MPRIP: variants seen among roughly 807,000 people sequenced by gnomAD.
MPRIP encodes myosin phosphatase Rho interacting protein.
MPRIP carries 59 observed loss-of-function variants against 234.9 expected under a neutral mutation model. That is an observed-to-expected ratio of 0.25 (90% CI 0.20 to 0.31). MPRIP has a LOEUF of 0.31. MPRIP is among the 10% of genes least tolerant of loss of function. MPRIP has a pLI of 1.00. For synonymous variants in MPRIP, 1,144 were observed against 1,263.9 expected (o/e 0.91, Z 2.01); for missense variants, 2,436 against 3,071.0 (o/e 0.79, Z 4.89).
intron 3 of MPRIP, among the ~76,000 whole-genome samples, chr17:17,113,695 A>G (rs778741156): frequency 1.3e-5 from 2 of 152,076 alleles, no homozygotes; most frequent in African/African-American, 2.4e-5. Context: ...CAGCAAATCT[A>G]TAAAGTCCAG....
At chr17:17,049,466 T>G (rs192692624) in intron 1 of MPRIP, among the ~76,000 whole-genome samples, 1 of 152,218 alleles carries the variant, frequency 6.6e-6, no homozygotes, top group African/African-American at 2.4e-5. Context: ...CTTCTGCTCC[T>G]TGTGTCACCT....
Position 17,088,881 on chromosome 17 carries a change from A to G in MPRIP, c.267+10805A>G, listed in dbSNP as rs116916808. Among the ~76,000 whole-genome samples, 176 of 152,300 alleles carry G rather than the reference A, an allele frequency of 1.2e-3. 1 individual carries two copies. The East Asian group carries it at 0.027, about 23-fold the overall frequency. ...TTTGGCCGGGAAGGAAATGTTCTTT[A>G]TGGTGGGGAAAACTCTCTGAACCCG... is the stretch of plus-strand genomic sequence containing the variant. On this transcript the variant is annotated intron_variant, in intron 3 of 23. Coordinates refer to ENST00000651222, the MANE Select transcript of MPRIP (RefSeq NM_001364716.4).
intron 3 of MPRIP, among the ~76,000 whole-genome samples, chr17:17,125,392 G>C (rs946846247): frequency 6.6e-6 from 1 of 152,238 alleles, no homozygotes; most frequent in Non-Finnish European, 1.5e-5. Flanking sequence ...ACAAGGAAAG[G>C]CTTCTTGGAC....
In MPRIP at chr17:17,136,503, C is replaced by A. The variant is rs534926767; in HGVS notation, c.736+53C>A. 3.5e-5 allele frequency: 54 copies of A among 1,521,296 alleles called. No homozygotes were observed. In the East Asian group the frequency reaches 1.3e-3, roughly 36 times the overall value. The allele number at this position is 1,521,296 out of a possible 1,614,324, so 94.2% of individuals were successfully genotyped here. ...GCACGGGAATGGCCCTCCCTCCCAT[C>A]AGAGCTGGCCCTGGGGATTCAGCCA... On this transcript the variant is annotated intron_variant, in intron 6 of 23. Coordinates refer to ENST00000651222, the MANE Select transcript of MPRIP (RefSeq NM_001364716.4).
chr17:17,167,244 C>T lies in MPRIP; in HGVS notation c.5653C>T (p.Arg1885Trp), dbSNP rs549833030. Residue 1885 changes from arginine to tryptophan, a missense_variant, in exon 16 of 24, where the codon CGG becomes TGG. Arg to Trp is a moderately radical substitution (Grantham distance 101, BLOSUM62 -3). Coordinates refer to ENST00000651222, the MANE Select transcript of MPRIP (RefSeq NM_001364716.4). This position sits in a 1 kb window ranked among gnomAD's most constrained non-coding sequence, Gnocchi z 5.9. ...PSCSEQAQAA[R>W]ALREEYEELL... is the part of the protein sequence containing the mutation. ...CTGCTCAGAGCAGGCACAGGCAGCC[C>T]GGGCCCTGAGGGAGGAGTATGAGGA... The T allele has an allele frequency of 2.5e-5, 32 of 1,303,940 alleles. No homozygotes were observed. In the East Asian group the frequency reaches 4.5e-4, roughly 18 times the overall value. The allele number at this position is 1,303,940 out of a possible 1,614,324, so 80.8% of individuals were successfully genotyped here.
intron 7 of MPRIP, among the ~76,000 whole-genome samples, chr17:17,140,421 G>A (rs897306494): frequency 5.3e-5 from 8 of 152,298 alleles, no homozygotes; most frequent in South Asian, 2.1e-4. Flanking sequence ...TAATACTGCA[G>A]CATCCCTTTC....
intron 1 of MPRIP, among the ~76,000 whole-genome samples, chr17:17,074,419 C>T (rs554229050): frequency 6.6e-6 from 1 of 152,328 alleles, no homozygotes; most frequent in South Asian, 2.1e-4. Context: ...CAGTGCCTCA[C>T]ATTTGTTGAG....
At chr17:17,150,031 G>C (rs2045565568) in intron 11 of MPRIP, 113 bp from the exon 12 acceptor site, 1 of 765,710 alleles carries the variant, frequency 1.3e-6, no homozygotes, top group South Asian at 1.5e-5. Flanking sequence ...ACTTGTCAGT[G>C]TGTATACTAT....
chr17:17,056,197 T>A (rs763803343), intron 1 of MPRIP, among the ~76,000 whole-genome samples: 10 of 152,236 alleles, frequency 6.6e-5, no homozygotes, highest in Non-Finnish European at 1.5e-4. Flanking sequence ...TTTTTGCTCC[T>A]CCTTCCACCG....
chr17:17,142,614 T>C lies in MPRIP; in HGVS notation c.1251-13T>C. 6.2e-7 allele frequency: 1 copy of C among 1,610,706 alleles called. No homozygotes were observed. On this transcript the variant is annotated splice_polypyrimidine_tract_variant and intron_variant, in intron 7 of 23. Transcript: ENST00000651222. ...CTCACTGCCACCTCAGGGCCTCGTG[T>C]CCTCTCTTGCAGGAGGTCCCAGGTG... is the stretch of plus-strand genomic sequence containing the variant.
chr17:17,094,463 A>C (rs2089793033), intron 3 of MPRIP, among the ~76,000 whole-genome samples: 1 of 152,200 alleles, frequency 6.6e-6, no homozygotes, highest in East Asian at 1.9e-4. Flanking sequence ...TTTCATGAAG[A>C]TATGCCTTGG....
chr17:17,147,273 G>A (rs752137999), intron 10 of MPRIP, 46 bp from the exon 11 acceptor site: 5 of 1,579,728 alleles, frequency 3.2e-6, no homozygotes, highest in African/African-American at 1.3e-5. Flanking sequence ...CAGGCATGCT[G>A]TATAGGAGTT....
chr17:17,113,147 T>C (rs1275974356), intron 3 of MPRIP, among the ~76,000 whole-genome samples: 1 of 152,144 alleles, frequency 6.6e-6, no homozygotes, highest in Non-Finnish European at 1.5e-5. Flanking sequence ...CTGCAGTCTC[T>C]TCTTCCACTG....
chr17:17,074,855 AC>A (rs2089290441), intron 1 of MPRIP, among the ~76,000 whole-genome samples: 1 of 151,950 alleles, frequency 6.6e-6, no homozygotes, highest in African/African-American at 2.4e-5. Flanking sequence ...CCTTGTGTGG[AC>A]CCATCACACT....
rs2046139094 is a variant in MPRIP at position 17,171,719 on chromosome 17, C to T, written c.6326C>T (p.Ala2109Val). The change falls in exon 17 of 24, where the codon GCC (alanine) becomes GTC (valine). Residue 2109 changes from alanine to valine, a missense_variant and splice_region_variant. Physicochemically the swap from Ala to Val is moderately conservative, Grantham distance 64. Around this residue, in one of 4 missense-constraint regions of MPRIP, gnomAD observed 1,998 missense variants for 2,520.3 expected, o/e 0.79. Coordinates refer to ENST00000651222, the MANE Select transcript of MPRIP (RefSeq NM_001364716.4). ...KYQRDLESLK[A>V]TCERGFAAME... ...TGAAGTCCCTTTTGCATTTTGCAGG[C>T]CACGTGCGAGCGAGGGTTTGCAGCA... The T allele has an allele frequency of 1.2e-6, 2 of 1,611,710 alleles. No homozygotes were observed. Among genetic ancestry groups the T allele is most frequent in the Admixed American group, 3.3e-5 (2 of 59,814 alleles).
intron 23 of MPRIP, among the ~76,000 whole-genome samples, chr17:17,184,500 A>G (rs1015776306): frequency 3.3e-5 from 5 of 152,234 alleles, no homozygotes; most frequent in African/African-American, 1.2e-4. Flanking sequence ...CTCCTTGCTC[A>G]TTGCACTGTT....
Position 17,042,612 on chromosome 17 carries a change from G to C in MPRIP, c.-237G>C, listed in dbSNP as rs908467296. On this transcript the variant is annotated 5_prime_UTR_variant, in exon 1 of 24. Transcript: ENST00000651222. Reference sequence around the variant, plus strand: ...CCGAGGCCGCGTCCATGGGCCCGCGGCGGCCGGGCGGCGGCGGTGCGGGCG... The same window carrying C: ...CCGAGGCCGCGTCCATGGGCCCGCGCCGGCCGGGCGGCGGCGGTGCGGGCG... 1 of 190,278 alleles carries C rather than the reference G, an allele frequency of 5.3e-6. No homozygotes were observed. The highest frequency in any genetic ancestry group is 9.5e-6 in the Non-Finnish European group (1 of 105,612). The allele number at this position is 190,278 out of a possible 1,614,324, so 11.8% of individuals were successfully genotyped here. A position where few individuals can be genotyped will look rare whatever the true frequency, so the allele number is the denominator to read the frequency against.
intron 12 of MPRIP, among the ~76,000 whole-genome samples, chr17:17,153,643 G>C (rs1307316773): frequency 3.8e-3 from 1 of 264 alleles, no homozygotes; most frequent in Non-Finnish European, 6.8e-3. Flanking sequence ...TCTAGGGCTT[G>C]TCTAGGTGCT....
intron 23 of MPRIP, among the ~76,000 whole-genome samples, chr17:17,183,769 G>A (rs963682680): frequency 2.0e-5 from 3 of 152,180 alleles, no homozygotes; most frequent in African/African-American, 7.2e-5. Flanking sequence ...GAGTGTGCCT[G>A]AGCCTAAGCT....
Sources: allele counts gnomAD v4.1 joint callset (sites outside exome capture counted in the v4.1 genomes callset), GRCh38; gene constraint gnomAD v4.1.1; regional missense constraint gnomAD v4.1.1; non-coding constraint Gnocchi (gnomAD v3.1); transcripts MANE v1.5; gene names NCBI Gene and HGNC (gene_info 2026-07-23, HGNC 2026-07-21).